Variants in ARHGAP15 observed in about 807,000 individuals in gnomAD.
ARHGAP15 encodes rho GTPase-activating protein 15.
ARHGAP15 carries 51 observed loss-of-function variants against 63.7 expected under a neutral mutation model. The ratio of observed to expected loss-of-function variants is 0.80; its 90% CI spans 0.64 to 1.01. ARHGAP15 has a LOEUF of 1.01. Ranked by LOEUF, ARHGAP15 falls within the 50% of genes least tolerant of loss-of-function variation. The pLI, the probability that ARHGAP15 is intolerant of heterozygous loss-of-function variation, is 0.00. For missense variants in ARHGAP15, 560 were observed against 564.6 expected (o/e 0.99, Z 0.08); for synonymous variants, 191 against 193.8 (o/e 0.99, Z 0.12).
intron 6 of ARHGAP15, among the ~76,000 whole-genome samples, chr2:143,320,900 G>T (rs1048249777): frequency 1.3e-5 from 2 of 152,114 alleles, no homozygotes; most frequent in Non-Finnish European, 2.9e-5. Context: ...GGTAACAACA[G>T]ATGTACCTGG....
chr2:143,551,340 A>G (rs1574622777), intron 10 of ARHGAP15, among the ~76,000 whole-genome samples: 1 of 151,706 alleles, frequency 6.6e-6, no homozygotes, highest in Non-Finnish European at 1.5e-5. Flanking sequence ...TGGCGGGGGG[A>G]AGATAGGTTT....
At chr2:143,486,167 G>A (rs1385034829) in intron 8 of ARHGAP15, among the ~76,000 whole-genome samples, 7 of 152,036 alleles carry the variant, frequency 4.6e-5, no homozygotes, top group Non-Finnish European at 8.8e-5. Flanking sequence ...ACCTAATAAA[G>A]TATCCCAAAC....
chr2:143,412,116 T>C (rs1297990487), intron 6 of ARHGAP15, among the ~76,000 whole-genome samples: 1 of 152,142 alleles, frequency 6.6e-6, no homozygotes, highest in East Asian at 1.9e-4. Flanking sequence ...CATGATTCTG[T>C]TTATATCTTT....
At chr2:143,544,747 C>T (rs1032928386) in intron 10 of ARHGAP15, among the ~76,000 whole-genome samples, 6 of 152,126 alleles carry the variant, frequency 3.9e-5, no homozygotes, top group African/African-American at 1.4e-4. Flanking sequence ...ATTCAAGGGC[C>T]ACAGAATATC....
chr2:143,478,236 T>C (rs1413519790), intron 8 of ARHGAP15, among the ~76,000 whole-genome samples: 1 of 152,196 alleles, frequency 6.6e-6, no homozygotes, highest in Non-Finnish European at 1.5e-5. Flanking sequence ...ACTGTTCTTA[T>C]TGGCAATCCA....
chr2:143,560,725 CAGTT>C (rs916381211), intron 11 of ARHGAP15, among the ~76,000 whole-genome samples: 28 of 152,332 alleles, frequency 1.8e-4, no homozygotes, highest in African/African-American at 6.5e-4. Context: ...CCAAACATCA[CAGTT>C]AGGAAGAAGC....
chr2:143,656,936 T>G (rs1477647533), intron 12 of ARHGAP15, among the ~76,000 whole-genome samples: 1 of 25,792 alleles, frequency 3.9e-5, no homozygotes, highest in Non-Finnish European at 8.5e-5. Context: ...AAGTTTCTGG[T>G]GTGTGTGTGT....
intron 11 of ARHGAP15, among the ~76,000 whole-genome samples, chr2:143,622,641 T>C (rs749882401): frequency 1.6e-4 from 25 of 152,120 alleles, no homozygotes; most frequent in Non-Finnish European, 3.1e-4. Context: ...TGTGTTATGA[T>C]TGAGGTAGGA....
In ARHGAP15 at chr2:143,616,152, C is replaced by T. The variant is rs564121989; in HGVS notation, c.1004-7981C>T. On this transcript the variant is annotated intron_variant, in intron 11 of 13. Transcript: ENST00000295095. ...CTGGAGAGCAGCATAATGTCACTAA[C>T]GTCATTTTATAAGGTAGCATTATGC... Among the ~76,000 whole-genome samples the T allele has an allele frequency of 5.3e-5, 8 of 152,146 alleles. No individual in the cohort carries two copies. The East Asian group carries it at 5.8e-4, about 11-fold the overall frequency.
At chr2:143,361,367 CA>C (rs1686046268) in intron 6 of ARHGAP15, among the ~76,000 whole-genome samples, 1 of 152,064 alleles carries the variant, frequency 6.6e-6, no homozygotes, top group Non-Finnish European at 1.5e-5. Flanking sequence ...AACATTATTA[CA>C]AACATTATTA....
At chr2:143,583,992 C>T (rs973632149) in intron 11 of ARHGAP15, among the ~76,000 whole-genome samples, 2 of 152,092 alleles carry the variant, frequency 1.3e-5, no homozygotes, top group African/African-American at 2.4e-5. Context: ...AAAATGGAAA[C>T]ATTTTAGTTT....
At chr2:143,623,456 C>T (rs1449746853) in intron 11 of ARHGAP15, among the ~76,000 whole-genome samples, 2 of 152,086 alleles carry the variant, frequency 1.3e-5, no homozygotes, top group African/African-American at 4.8e-5. Flanking sequence ...TTTTTGACAG[C>T]TTTGCATAGC....
intron 8 of ARHGAP15, among the ~76,000 whole-genome samples, chr2:143,459,771 G>A (rs913238459): frequency 2.6e-5 from 4 of 152,184 alleles, no homozygotes; most frequent in African/African-American, 9.7e-5. Context: ...CTGTCCAACA[G>A]TGGGCCTTTG....
intron 13 of ARHGAP15, among the ~76,000 whole-genome samples, chr2:143,764,807 A>G (rs1686891531): frequency 1.3e-5 from 2 of 152,206 alleles, no homozygotes; most frequent in South Asian, 2.1e-4. Flanking sequence ...AGGTAACTCT[A>G]TCTTCAATCC....
rs151122894 is a variant in ARHGAP15 at position 143,247,739 on chromosome 2, G to A, written c.385-2772G>A. Among the ~76,000 whole-genome samples the A allele has an allele frequency of 2.7e-3, 410 of 152,200 alleles. 1 individual carries two copies. The highest frequency in any genetic ancestry group is 4.9e-3 in the Non-Finnish European group (330 of 68,018). ...TGGGTAACACATTGACACATAGTAG[G>A]TGTGCAATAAATGTTAATTGAGTGA... is the stretch of plus-strand genomic sequence containing the variant. On this transcript the variant is annotated intron_variant, in intron 5 of 13. Coordinates refer to ENST00000295095, the MANE Select transcript of ARHGAP15 (RefSeq NM_018460.4).
chr2:143,526,496 G>C (rs1402019743), intron 10 of ARHGAP15, among the ~76,000 whole-genome samples: 1 of 152,142 alleles, frequency 6.6e-6, no homozygotes, highest in Non-Finnish European at 1.5e-5. Flanking sequence ...TTCTTATTGT[G>C]TATGGGGAAT....
intron 2 of ARHGAP15, among the ~76,000 whole-genome samples, chr2:143,194,513 GT>G (rs1342332034): frequency 6.6e-6 from 1 of 152,108 alleles, no homozygotes; most frequent in Non-Finnish European, 1.5e-5. Context: ...TTGGCCCTGA[GT>G]TTCTCATTAT....
At chr2:143,163,912 T>A (rs766437465) in intron 2 of ARHGAP15, among the ~76,000 whole-genome samples, 5 of 152,040 alleles carry the variant, frequency 3.3e-5, no homozygotes, top group Non-Finnish European at 5.9e-5. Flanking sequence ...TTACTTTGCC[T>A]TTCTGCTCCT....
intron 12 of ARHGAP15, among the ~76,000 whole-genome samples, chr2:143,693,492 G>A (rs1559129797): frequency 1.3e-5 from 2 of 152,110 alleles, no homozygotes; most frequent in East Asian, 3.9e-4. Context: ...TGAGAAAGAA[G>A]AAAATATATA....
Sources: gnomAD v4.1 joint callset for allele counts (sites outside exome capture counted in the v4.1 genomes callset) on GRCh38, gnomAD v4.1.1 for gene constraint, MANE v1.5 for transcripts, NCBI Gene and HGNC (gene_info 2026-07-23, HGNC 2026-07-21) for gene names.